Variants in GPC1 observed in about 807,000 individuals in gnomAD.
GPC1 encodes the protein glypican 1.
GPC1 carries 26 observed loss-of-function variants against 51.5 expected under a neutral mutation model. That is an observed-to-expected ratio of 0.50 (90% CI 0.37 to 0.70). The LOEUF is 0.70. Among genes scored for constraint, GPC1 ranks in the 30% least tolerant of loss-of-function variants. The pLI, the probability that GPC1 is intolerant of heterozygous loss-of-function variation, is 0.00. For synonymous variants in GPC1, 380 were observed against 348.3 expected (o/e 1.09, Z -1.01); for missense variants, 775 against 800.5 (o/e 0.97, Z 0.38).
chr2:240,451,519 T>G, intron 1 of GPC1: 1 of 312,136 alleles, frequency 3.2e-6, no homozygotes. Context: ...GAGATGTGAG[T>G]GCCCTCTTCA....
chr2:240,451,638 A>G, intron 1 of GPC1: 1 of 222,224 alleles, frequency 4.5e-6, no homozygotes, highest in Admixed American at 5.7e-5. Context: ...CAGCCAAGAC[A>G]CCGGGTCCTG....
At chr2:240,457,875 C>A in intron 1 of GPC1, 1 of 356,974 alleles carries the variant, frequency 2.8e-6, no homozygotes, top group Non-Finnish European at 5.8e-6. Flanking sequence ...AGGCGGCAGT[C>A]CTGAGGAAAG....
At chr2:240,466,036 CG>C (rs1559204495) in intron 8 of GPC1, 21 bp from the exon 9 acceptor site, 3 of 1,538,294 alleles carry the variant, frequency 2.0e-6, no homozygotes, top group Admixed American at 3.4e-5. Flanking sequence ...ACCTGCCTGC[CG>C]GAGCCTCCTC....
chr2:240,455,871 C>A (rs900265648), intron 1 of GPC1: 18 of 285,396 alleles, frequency 6.3e-5, no homozygotes, highest in African/African-American at 3.6e-4. Context: ...AGGAAGCCAG[C>A]GGGAGGCCTC....
chr2:240,439,444 G>A (rs1353886907), intron 1 of GPC1, among the ~76,000 whole-genome samples: 1 of 152,184 alleles, frequency 6.6e-6, no homozygotes, highest in Non-Finnish European at 1.5e-5. Flanking sequence ...CACAGAAACT[G>A]CCCAGCCGCT....
At chr2:240,443,084 G>T (rs1486268153) in intron 1 of GPC1, among the ~76,000 whole-genome samples, 1 of 152,284 alleles carries the variant, frequency 6.6e-6, no homozygotes, top group African/African-American at 2.4e-5. Flanking sequence ...GGCCACTCAG[G>T]TGATGTTCCA....
chr2:240,463,136 G>A (rs1559202751), intron 3 of GPC1, among the ~76,000 whole-genome samples: 2 of 152,108 alleles, frequency 1.3e-5, no homozygotes, highest in Admixed American at 1.3e-4. Context: ...GGATATTCTT[G>A]CCTCCCTGTG....
At chr2:240,458,256 G>T in intron 1 of GPC1, 1 of 331,954 alleles carries the variant, frequency 3.0e-6, no homozygotes, top group Middle Eastern at 5.3e-4. Context: ...GCACAGCAGG[G>T]CTGAGAGCTG....
intron 1 of GPC1, among the ~76,000 whole-genome samples, chr2:240,436,551 C>T (rs2073985594): frequency 6.6e-6 from 1 of 152,238 alleles, no homozygotes; most frequent in South Asian, 2.1e-4. Context: ...GCCGCGGACC[C>T]CTTCTGCTCT....
chr2:240,441,437 A>G (rs1049019429), intron 1 of GPC1, among the ~76,000 whole-genome samples: 3 of 152,186 alleles, frequency 2.0e-5, no homozygotes, highest in African/African-American at 7.2e-5. Flanking sequence ...CCGTCCTCAC[A>G]GGGCCTGGCT....
chr2:240,444,661 C>G (rs28513094), intron 1 of GPC1, among the ~76,000 whole-genome samples: 86,881 of 152,054 alleles, frequency 0.57, 25,430 homozygotes, highest in Non-Finnish European at 0.63. Flanking sequence ...CAAACACCGA[C>G]GACAGCTGTC....
chr2:240,455,014 C>A, intron 1 of GPC1: 1 of 207,328 alleles, frequency 4.8e-6, no homozygotes, highest in Non-Finnish European at 1.1e-5. Context: ...AATGCATGAC[C>A]TAAAAGGTAT....
intron 1 of GPC1, among the ~76,000 whole-genome samples, chr2:240,453,734 C>T (rs1313873273): frequency 1.3e-5 from 2 of 151,664 alleles, no homozygotes; most frequent in Non-Finnish European, 2.9e-5. Context: ...CAGACCCCTG[C>T]GCACCCGCTC....
rs2074226421 is a variant in GPC1, at chr2:240,462,580, C to G, written c.715C>G (p.Gln239Glu). The G allele has an allele frequency of 6.6e-7, 1 of 1,515,960 alleles. No individual in the cohort carries two copies. Among genetic ancestry groups the G allele is most frequent in the Non-Finnish European group, 8.8e-7 (1 of 1,136,580 alleles). The allele number at this position is 1,515,960 out of a possible 1,614,324, so 93.9% of individuals were successfully genotyped here. A position where few individuals can be genotyped will look rare whatever the true frequency, so the allele number is the denominator to read the frequency against. ...CAGCGACGTGGTCCGGAAAGTGGCT[C>G]AGGTGCGCACAGCCACCCAGGGCTC... is the stretch of plus-strand genomic sequence containing the variant. ...VASDVVRKVAQVPLGPECSRA... is the reference protein window; with the variant it reads ...VASDVVRKVAEVPLGPECSRA... Residue 239 changes from glutamine to glutamate, a missense_variant and splice_region_variant, in exon 3 of 9, where the codon CAG (glutamine) becomes GAG (glutamate). By Grantham distance (29) the Gln-to-Glu change is conservative. Transcript: ENST00000264039.
chr2:240,456,543 C>T (rs149251515), intron 1 of GPC1: 9,749 of 462,532 alleles, frequency 0.021, 144 homozygotes, highest in Non-Finnish European at 0.03. Flanking sequence ...GCTCAGCTGG[C>T]ACCTGCCACC....
intron 1 of GPC1, chr2:240,451,275 G>T (rs566956771): frequency 2.1e-6 from 1 of 470,940 alleles, no homozygotes; most frequent in Non-Finnish European, 4.4e-6. Context: ...CCTGCGCGGC[G>T]TCTTTGTGGA....
intron 4 of GPC1, 86 bp from the exon 5 acceptor site, chr2:240,464,530 C>A: frequency 4.4e-6 from 6 of 1,372,240 alleles, no homozygotes; most frequent in Non-Finnish European, 6.2e-6. Context: ...CATTAACATG[C>A]ACACGTGGTG....
At position 240,436,086 on chromosome 2, in the gene GPC1, T is replaced by A; in HGVS notation, c.166+2T>A. ...ACGTGCCCCAGGCGGAGATCTCGGGTGAGTGAGGGCGCGGCGCCGGGAACC... is the reference window on the plus strand; with the variant it reads ...ACGTGCCCCAGGCGGAGATCTCGGGAGAGTGAGGGCGCGGCGCCGGGAACC... On this transcript the variant is annotated splice_donor_variant, in intron 1 of 8. Coordinates refer to ENST00000264039, the MANE Select transcript of GPC1 (RefSeq NM_002081.3). LOFTEE classifies it high-confidence loss of function. 7.8e-7 allele frequency: 1 copy of A among 1,288,838 alleles called. No homozygotes were observed. Among genetic ancestry groups the A allele is most frequent in the Non-Finnish European group, 9.8e-7 (1 of 1,017,596 alleles). 79.8% of individuals were successfully genotyped at this position (1,288,838 alleles called of 1,614,324 possible). A position where few individuals can be genotyped will look rare whatever the true frequency, so the allele number is the denominator to read the frequency against.
chr2:240,455,842 CG>C (rs1487467417), intron 1 of GPC1, among the ~76,000 whole-genome samples: 1 of 152,190 alleles, frequency 6.6e-6, no homozygotes, highest in African/African-American at 2.4e-5. Context: ...CGGCCTGCGC[CG>C]GGCCGGAGCT....
Sources: allele counts gnomAD v4.1 joint callset (sites outside exome capture counted in the v4.1 genomes callset), GRCh38; gene constraint gnomAD v4.1.1; transcripts MANE v1.5; gene names NCBI Gene and HGNC (gene_info 2026-07-23, HGNC 2026-07-21).